ESR1: variants seen among roughly 807,000 people sequenced by gnomAD.
ESR1 encodes the protein estrogen receptor.
In ESR1, 12 loss-of-function variants were observed where a neutral mutation model predicts 52.7. The ratio of observed to expected loss-of-function variants is 0.23; its 90% confidence interval spans 0.15 to 0.37. The LOEUF (loss-of-function observed/expected upper bound fraction) is 0.37, where lower values mean the gene tolerates loss of function less well. Ranked by LOEUF, ESR1 falls within the 10% of genes least tolerant of loss-of-function variation. The pLI is 1.00. For synonymous variants in ESR1, 305 were observed against 316.8 expected (o/e 0.96, Z 0.39); for missense variants, 584 against 779.7 (o/e 0.75, Z 2.99).
At chr6:151,858,873 G>A (rs1477278130) in intron 2 of ESR1, among the ~76,000 whole-genome samples, 1 of 152,142 alleles carries the variant, frequency 6.6e-6, no homozygotes, top group African/African-American at 2.4e-5. Context: ...AAATAACAGA[G>A]GAGACCAATT....
At chr6:151,691,567 G>T (rs1266855692) in intron 1 of ESR1, among the ~76,000 whole-genome samples, 2 of 152,188 alleles carry the variant, frequency 1.3e-5, no homozygotes, top group Non-Finnish European at 2.9e-5. Context: ...TCATGGCAAT[G>T]GTTCCTGCTT....
At chr6:151,732,661 T>C (rs1782341790) in intron 2 of ESR1, among the ~76,000 whole-genome samples, 1 of 152,058 alleles carries the variant, frequency 6.6e-6, no homozygotes, top group African/African-American at 2.4e-5. Flanking sequence ...TTGGATATAG[T>C]CCCTTAACCC....
chr6:151,838,017 A>G (rs1242733367), intron 1 of ESR1, among the ~76,000 whole-genome samples: 3 of 152,156 alleles, frequency 2.0e-5, no homozygotes, highest in Non-Finnish European at 2.9e-5. Context: ...TATATTTTTT[A>G]TAGACAGGCT....
chr6:151,836,578 A>G (rs74447884), intron 1 of ESR1, among the ~76,000 whole-genome samples: 1,933 of 152,346 alleles, frequency 0.013, 36 homozygotes, highest in African/African-American at 0.044. Flanking sequence ...AACCATATCA[A>G]GGACCTACTG....
At chr6:151,668,383 A>G (rs1177115162) in intron 1 of ESR1, among the ~76,000 whole-genome samples, 1 of 151,466 alleles carries the variant, frequency 6.6e-6, no homozygotes, top group Non-Finnish European at 1.5e-5. Context: ...GGTTCATGCC[A>G]TTCTCCTGCC....
intron 2 of ESR1, among the ~76,000 whole-genome samples, chr6:151,768,344 C>T (rs1337123547): frequency 6.6e-6 from 1 of 152,070 alleles, no homozygotes; most frequent in Non-Finnish European, 1.5e-5. Flanking sequence ...TCACAAAATC[C>T]CCAATTGAGG....
chr6:152,052,859 T>A (rs184855842), intron 5 of ESR1, among the ~76,000 whole-genome samples: 1 of 152,084 alleles, frequency 6.6e-6, no homozygotes, highest in African/African-American at 2.4e-5. Context: ...GCAGTATAAA[T>A]TGCAAGGTGG....
upstream of ESR1, among the ~76,000 whole-genome samples, chr6:151,800,718 T>C (rs1018028944): frequency 1.3e-5 from 2 of 152,194 alleles, no homozygotes. Flanking sequence ...TTCTCCGCAC[T>C]TAGAAATGGT....
In ESR1 at chr6:152,102,696, C is replaced by CA. The variant is rs1158377267; in HGVS notation, c.*3730_*3731insA. On this transcript the variant is annotated 3_prime_UTR_variant, in exon 8 of 8. Coordinates refer to ENST00000206249, the MANE Select transcript of ESR1 (RefSeq NM_000125.4). ...GTTTTTAGTCATTTAAAATTGTTTT[C>CA]TAAGTAATTGCTGCCTCTATTATGG... is the stretch of plus-strand genomic sequence containing the variant. 2 of 219,436 alleles carry CA rather than the reference C, an allele frequency of 9.1e-6. No individual in the cohort carries two copies. The highest frequency in any genetic ancestry group is 4.5e-5 in the African/African-American group (2 of 44,580). The allele number at this position is 219,436 out of a possible 1,614,324, so 13.6% of individuals were successfully genotyped here. A position where few individuals can be genotyped will look rare whatever the true frequency, so the allele number is the denominator to read the frequency against.
At chr6:151,894,276 T>G (rs1286973044) in intron 3 of ESR1, among the ~76,000 whole-genome samples, 1 of 152,178 alleles carries the variant, frequency 6.6e-6, no homozygotes, top group African/African-American at 2.4e-5. Flanking sequence ...TTGTTTGAGT[T>G]CCTTGTAGAT....
At chr6:152,097,948 C>T (rs532162473) in intron 7 of ESR1, among the ~76,000 whole-genome samples, 15 of 152,098 alleles carry the variant, frequency 9.9e-5, no homozygotes, top group East Asian at 1.9e-4. Flanking sequence ...AAAAACAGAA[C>T]GGTGTGAAAG....
At chr6:152,097,157 C>G (rs1200603888) in intron 7 of ESR1, among the ~76,000 whole-genome samples, 2 of 152,036 alleles carry the variant, frequency 1.3e-5, no homozygotes, top group African/African-American at 4.8e-5. Context: ...TTCTCTCTCT[C>G]TCTCTGACAC....
chr6:151,727,108 G>A (rs74917024), intron 2 of ESR1, among the ~76,000 whole-genome samples: 4,538 of 152,152 alleles, frequency 0.03, 218 homozygotes, highest in African/African-American at 0.1. Flanking sequence ...ATATGTTGTT[G>A]AGTAACATAA....
intron 3 of ESR1, among the ~76,000 whole-genome samples, chr6:151,893,878 A>C (rs1795063878): frequency 6.6e-6 from 1 of 152,214 alleles, no homozygotes; most frequent in South Asian, 2.1e-4. Flanking sequence ...TTAAGCAGAG[A>C]AGTGACTTTC....
At chr6:151,722,069 G>A (rs945585290) in intron 2 of ESR1, among the ~76,000 whole-genome samples, 14 of 152,256 alleles carry the variant, frequency 9.2e-5, no homozygotes, top group Non-Finnish European at 1.9e-4. Flanking sequence ...TGTTAGGGAG[G>A]TAGATTATAG....
intron 2 of ESR1, among the ~76,000 whole-genome samples, chr6:151,718,194 T>C: frequency 6.6e-6 from 1 of 152,214 alleles, no homozygotes; most frequent in East Asian, 1.9e-4. Flanking sequence ...TCTTGGTTGG[T>C]GAGAATACAC....
rs377637105 is a variant in ESR1, at chr6:151,719,878, G to A, written c.-71+17873G>A. ...GCTACTGAGACTGGAAGATGCTCAC[G>A]TTAGCAACTGAGTATATTTATGTAT... On this transcript the variant is annotated intron_variant, in intron 2 of 2. Coordinates refer to the ESR1 transcript ENST00000404742. 3.3e-5 allele frequency among the ~76,000 whole-genome samples: 5 copies of A among 152,256 alleles called. No homozygotes were observed. The South Asian group carries it at 6.2e-4, about 19-fold the overall frequency.
At chr6:151,952,242 C>A (rs917140003) in intron 4 of ESR1, among the ~76,000 whole-genome samples, 1 of 152,190 alleles carries the variant, frequency 6.6e-6, no homozygotes, top group South Asian at 2.1e-4. Flanking sequence ...GTTTAAAATG[C>A]AGAACCAGAT....
intron 3 of ESR1, among the ~76,000 whole-genome samples, chr6:151,937,882 CTTTCT>C (rs2034557237): frequency 6.6e-6 from 1 of 152,098 alleles, no homozygotes; most frequent in Non-Finnish European, 1.5e-5. Flanking sequence ...ATCTGAACTT[CTTTCT>C]TTTCTGTTAA....
Sources: allele counts gnomAD v4.1 joint callset (sites outside exome capture counted in the v4.1 genomes callset), GRCh38; gene constraint gnomAD v4.1.1; transcripts MANE v1.5; gene names NCBI Gene and HGNC (gene_info 2026-07-23, HGNC 2026-07-21).